The following NEDD4L variants were observed in gnomAD, a reference collection of about 807,000 sequenced individuals.
NEDD4L encodes the protein E3 ubiquitin-protein ligase NEDD4-like.
A neutral mutation model predicts 148.9 loss-of-function variants in NEDD4L; 54 were observed. The observed-to-expected ratio is 0.36, with a 90% CI of 0.29 to 0.45. The LOEUF (loss-of-function observed/expected upper bound fraction) is 0.45. Among genes scored for constraint, NEDD4L ranks in the 20% least tolerant of loss-of-function variants. NEDD4L has a pLI of 1.00. For synonymous variants in NEDD4L, 433 were observed against 440.7 expected, an observed-to-expected ratio of 0.98 and a Z score of 0.22; for missense variants, 856 against 1,233.8, an observed-to-expected ratio of 0.69 and a Z score of 4.59.
intron 1 of NEDD4L, among the ~76,000 whole-genome samples, chr18:58,099,239 T>C (rs938235641): frequency 1.2e-4 from 18 of 152,018 alleles, no homozygotes; most frequent in Non-Finnish European, 2.5e-4. Flanking sequence ...AGTGCAGTGG[T>C]GCCGTCGTAG....
chr18:58,115,333 A>G (rs1210553930), intron 1 of NEDD4L, among the ~76,000 whole-genome samples: 1 of 149,020 alleles, frequency 6.7e-6, no homozygotes, highest in Non-Finnish European at 1.5e-5. Context: ...CATTGTAGTA[A>G]GTGGTAGAGG....
intron 1 of NEDD4L, chr18:58,149,453 G>T (rs568696786): frequency 6.5e-7 from 1 of 1,539,906 alleles, no homozygotes; most frequent in East Asian, 2.5e-5. Context: ...CACGACTTCC[G>T]CATACTCTTC....
chr18:58,357,035 A>G (rs1247196835), intron 18 of NEDD4L, among the ~76,000 whole-genome samples, 159 bp from the exon 19 acceptor site: 1 of 152,188 alleles, frequency 6.6e-6, no homozygotes, highest in African/African-American at 2.4e-5. Flanking sequence ...GACTGTAGTT[A>G]CCTGCTAACT....
At chr18:58,359,259 CT>C (rs2145882198) in intron 19 of NEDD4L, among the ~76,000 whole-genome samples, 1 of 152,206 alleles carries the variant, frequency 6.6e-6, no homozygotes, top group African/African-American at 2.4e-5. Flanking sequence ...ATTTTATCTT[CT>C]TTCTTGCCTT....
intron 2 of NEDD4L, among the ~76,000 whole-genome samples, chr18:58,183,475 A>G (rs1231526918): frequency 6.6e-6 from 1 of 152,220 alleles, no homozygotes; most frequent in Non-Finnish European, 1.5e-5. Context: ...TGAGCTGCAC[A>G]TTAATAGGCC....
intron 1 of NEDD4L, among the ~76,000 whole-genome samples, chr18:58,126,029 C>T (rs2031021638): frequency 6.6e-6 from 1 of 152,212 alleles, no homozygotes; most frequent in South Asian, 2.1e-4. Flanking sequence ...TCAGAACGCC[C>T]TTCGCCTGCA....
chr18:58,353,131 C>T (rs2044135254), intron 18 of NEDD4L, among the ~76,000 whole-genome samples: 3 of 152,154 alleles, frequency 2.0e-5, no homozygotes, highest in South Asian at 2.1e-4. Context: ...GCCCCCACTC[C>T]GGCTTTCCAC....
chr18:58,365,415 A>G (rs950397191), intron 20 of NEDD4L, among the ~76,000 whole-genome samples: 1 of 152,202 alleles, frequency 6.6e-6, no homozygotes, highest in Non-Finnish European at 1.5e-5. Flanking sequence ...GCCTCTTTGC[A>G]GGAGGCAGTT....
At chr18:58,091,312 G>T (rs1170481489) in intron 1 of NEDD4L, 3 of 152,370 alleles carry the variant, frequency 2.0e-5, no homozygotes, top group Non-Finnish European at 2.9e-5. Context: ...TGTTATCGGG[G>T]GCACAGAGCT....
chr18:58,165,733 A>G, intron 1 of NEDD4L, 55 bp from the exon 2 acceptor site: 1 of 1,536,196 alleles, frequency 6.5e-7, no homozygotes, highest in Non-Finnish European at 9.0e-7. Flanking sequence ...TGGATGAGAG[A>G]GTGATTGATT....
intron 6 of NEDD4L, among the ~76,000 whole-genome samples, chr18:58,316,315 C>T (rs1490874467): frequency 6.6e-6 from 1 of 152,212 alleles, no homozygotes; most frequent in East Asian, 1.9e-4. Context: ...TTGTGTATCA[C>T]ATCTTACAAA....
At position 58,340,165 on chromosome 18, in the gene NEDD4L, C is replaced by T. The variant is rs144518235; in HGVS notation, c.1126-873C>T. On this transcript the variant is annotated intron_variant, in intron 13 of 30. Coordinates refer to ENST00000400345, the MANE Select transcript of NEDD4L (RefSeq NM_001144967.3). The stretch of plus-strand genomic sequence containing the variant: ...ATGCATTCAAGCCCTCCTGGGACAG[C>T]CCTGATCTCCAGCATCTGTCCCAGT... Among the ~76,000 whole-genome samples the T allele has an allele frequency of 3.9e-5, 6 of 152,280 alleles. 1 individual carries two copies. The East Asian group carries it at 1.2e-3, about 29-fold the overall frequency.
intron 1 of NEDD4L, chr18:58,045,456 C>A (rs533428779): frequency 1.1e-4 from 27 of 246,910 alleles, no homozygotes; most frequent in African/African-American, 5.8e-4. Flanking sequence ...ATTAATAAAG[C>A]GACTGAATAA....
At chr18:58,068,629 A>G (rs2082726466) in intron 1 of NEDD4L, among the ~76,000 whole-genome samples, 2 of 152,360 alleles carry the variant, frequency 1.3e-5, no homozygotes, top group Admixed American at 1.3e-4. Context: ...AGGAAAGAAT[A>G]TGATTTTGTA....
intron 6 of NEDD4L, among the ~76,000 whole-genome samples, chr18:58,322,064 A>T (rs1459385111): frequency 2.0e-5 from 3 of 152,202 alleles, no homozygotes; most frequent in Non-Finnish European, 2.9e-5. Flanking sequence ...TACTCCACCC[A>T]TATGTGTCTC....
At chr18:58,087,136 T>G (rs865908806) in intron 1 of NEDD4L, among the ~76,000 whole-genome samples, 2 of 152,248 alleles carry the variant, frequency 1.3e-5, no homozygotes, top group Non-Finnish European at 2.9e-5. Flanking sequence ...TTGGATTTTT[T>G]CCTGACTTCT....
At chr18:58,220,790 G>A (rs1250266270) in intron 2 of NEDD4L, among the ~76,000 whole-genome samples, 1 of 152,192 alleles carries the variant, frequency 6.6e-6, no homozygotes, top group African/African-American at 2.4e-5. Context: ...AAGAGAAGTA[G>A]CATAGTGCCC....
intron 2 of NEDD4L, among the ~76,000 whole-genome samples, chr18:58,219,513 G>T (rs1184282752): frequency 1.3e-5 from 2 of 152,200 alleles, no homozygotes; most frequent in African/African-American, 4.8e-5. Flanking sequence ...CCACAAATTT[G>T]TTTTCTCAGG....
At chr18:58,266,382 GA>G (rs1192730272) in intron 5 of NEDD4L, among the ~76,000 whole-genome samples, 3 of 151,988 alleles carry the variant, frequency 2.0e-5, no homozygotes, top group African/African-American at 7.2e-5. Flanking sequence ...TCTGAACCAT[GA>G]AAAAAATAAC....
Sources: gnomAD v4.1 joint callset for allele counts (sites outside exome capture counted in the v4.1 genomes callset) on GRCh38, gnomAD v4.1.1 for gene constraint, MANE v1.5 for transcripts, NCBI Gene and HGNC (gene_info 2026-07-23, HGNC 2026-07-21) for gene names.